The following RIMS3 variants were observed in gnomAD, a reference collection of about 807,000 sequenced individuals.
The protein encoded by RIMS3 is regulating synaptic membrane exocytosis protein 3.
A neutral mutation model predicts 29.2 loss-of-function variants in RIMS3; 15 were observed. The observed-to-expected ratio is 0.51, with a 90% CI of 0.34 to 0.79. RIMS3 has a LOEUF of 0.79. RIMS3 is among the 30% of genes least tolerant of loss of function. The probability of loss-of-function intolerance (pLI) is 0.01; values close to 1 mark genes in which losing one functional copy is unlikely to be tolerated. For synonymous variants in RIMS3, 161 were observed against 170.1 expected (o/e 0.95, Z 0.41); for missense variants, 342 against 421.4 (o/e 0.81, Z 1.65).
chr1:40,641,587 G>T, intron 3 of RIMS3, 122 bp downstream of exon 3: 1 of 925,668 alleles, frequency 1.1e-6, no homozygotes, highest in Non-Finnish European at 1.7e-6. Flanking sequence ...TGGTGTATGG[G>T]AAGGGCCACA....
At chr1:40,627,816 G>A (rs1298177728) in intron 7 of RIMS3, among the ~76,000 whole-genome samples, 3 of 151,726 alleles carry the variant, frequency 2.0e-5, no homozygotes, top group Non-Finnish European at 4.4e-5. Context: ...ATGTTGCCAG[G>A]CTGGTCTCAA....
intron 3 of RIMS3, among the ~76,000 whole-genome samples, chr1:40,640,626 A>G (rs1646549685): frequency 6.6e-6 from 1 of 152,102 alleles, no homozygotes; most frequent in South Asian, 2.1e-4. Flanking sequence ...AAACAAAACC[A>G]GCTGGTGTCT....
the RIMS3 span, among the ~76,000 whole-genome samples, chr1:40,683,898 C>T: frequency 1.3e-5 from 2 of 152,194 alleles, no homozygotes; most frequent in African/African-American, 4.8e-5. Context: ...TCTGCCTAAT[C>T]CTTTACTCCT....
At chr1:40,680,063 G>C in the RIMS3 span, among the ~76,000 whole-genome samples, 1 of 152,048 alleles carries the variant, frequency 6.6e-6, no homozygotes. Context: ...GGAAGGCTGA[G>C]GGTGGAGGAT....
chr1:40,647,210 A>G lies in RIMS3; in HGVS notation c.-32+458T>C, dbSNP rs541575058. 2.6e-5 allele frequency among the ~76,000 whole-genome samples: 4 copies of G among 152,216 alleles called. No homozygotes were observed. The South Asian group carries it at 8.3e-4, about 32-fold the overall frequency. On this transcript the variant is annotated intron_variant, in intron 2 of 7. Coordinates refer to ENST00000372684, the MANE Select transcript of RIMS3 (RefSeq NM_014747.3). ...AGAATTTTTGGTAGTTCAAGGCCGC[A>G]CAAAAGCTCAAGATGAACCTAGCCA...
chr1:40,691,826 G>A, the RIMS3 span: 3 of 437,234 alleles, frequency 6.9e-6, no homozygotes, highest in Admixed American at 2.5e-5. Flanking sequence ...CTCCGTAGGA[G>A]CGCGGGGGCG....
intron 5 of RIMS3, among the ~76,000 whole-genome samples, 161 bp downstream of exon 5, chr1:40,632,908 T>C (rs1646498200): frequency 6.6e-6 from 1 of 152,156 alleles, no homozygotes; most frequent in South Asian, 2.1e-4. Flanking sequence ...ATTTTAAATA[T>C]GAGGAGACTG....
At chr1:40,658,360 A>G (rs1290354580) in intron 1 of RIMS3, among the ~76,000 whole-genome samples, 2 of 152,112 alleles carry the variant, frequency 1.3e-5, no homozygotes, top group South Asian at 2.1e-4. Context: ...TTAAGTCACA[A>G]TTCCAGGCCT....
At chr1:40,632,420 A>T (rs1297424886) in intron 5 of RIMS3, among the ~76,000 whole-genome samples, 2 of 5,592 alleles carry the variant, frequency 3.6e-4, no homozygotes, top group East Asian at 2.6e-3. Context: ...ATATAAATTT[A>T]TATATATATA....
intron 2 of RIMS3, among the ~76,000 whole-genome samples, chr1:40,645,097 G>T (rs1468218621): frequency 6.6e-6 from 1 of 152,198 alleles, no homozygotes; most frequent in Non-Finnish European, 1.5e-5. Context: ...CCTGTGACGT[G>T]TGCAGAGTCC....
chr1:40,652,420 A>T (rs1363722885), intron 1 of RIMS3, among the ~76,000 whole-genome samples: 1 of 152,178 alleles, frequency 6.6e-6, no homozygotes. Context: ...AGAGGTGAAG[A>T]GACATTGCTC....
the RIMS3 span, among the ~76,000 whole-genome samples, chr1:40,686,439 T>A: frequency 6.6e-6 from 1 of 152,068 alleles, no homozygotes; most frequent in Non-Finnish European, 1.5e-5. Context: ...GATCATGAGG[T>A]CAGGAGATCG....
At chr1:40,672,225 G>A in the RIMS3 span, among the ~76,000 whole-genome samples, 1 of 134,434 alleles carries the variant, frequency 7.4e-6, no homozygotes, top group Non-Finnish European at 1.6e-5. Flanking sequence ...TTGAGACGGA[G>A]TCTCGCTCTT....
At chr1:40,628,307 A>G (rs1308124575) in intron 7 of RIMS3, among the ~76,000 whole-genome samples, 1 of 152,244 alleles carries the variant, frequency 6.6e-6, no homozygotes, top group Admixed American at 6.5e-5. Context: ...AGAAGGGCTA[A>G]CAATACCAAG....
chr1:40,673,384 C>T, the RIMS3 span: 1 of 152,244 alleles, frequency 6.6e-6, no homozygotes, highest in Non-Finnish European at 1.5e-5. Context: ...CTAGGTTCTG[C>T]TGAATTTTCC....
Position 40,635,919 on chromosome 1 carries a change from C to T in RIMS3, c.356G>A (p.Gly119Asp). The T allele has an allele frequency of 2.5e-6, 4 of 1,612,754 alleles. No individual in the cohort carries two copies. Among genetic ancestry groups the T allele is most frequent in the Non-Finnish European group, 3.4e-6 (4 of 1,179,908 alleles). ...CACAGCACGGGGCTGCACGCACGTG[C>T]CGTCGGAGCTGTTGCTGTTGGTGCT... ...DGSTNSNSSD[G>D]TFIFPTTRLG... Residue 119 changes from glycine (G) to aspartate (D), a missense_variant, in exon 4 of 8, where the codon GGC becomes GAC. Physicochemically the swap from Gly to Asp is moderately conservative, Grantham distance 94. Coordinates refer to ENST00000372684, the MANE Select transcript of RIMS3 (RefSeq NM_014747.3). This position sits in a 1 kb window ranked among gnomAD's most constrained non-coding sequence, Gnocchi z 4.1.
the RIMS3 span, among the ~76,000 whole-genome samples, chr1:40,684,264 T>C: frequency 6.6e-6 from 1 of 152,244 alleles, no homozygotes; most frequent in Admixed American, 6.5e-5. Context: ...GTTCAAAGGA[T>C]GTCAGGACTC....
chr1:40,689,554 AC>A, the RIMS3 span, among the ~76,000 whole-genome samples: 2 of 151,996 alleles, frequency 1.3e-5, no homozygotes, highest in East Asian at 1.9e-4. Context: ...TGCTGGGATT[AC>A]AGGTGTGAGC....
intron 5 of RIMS3, among the ~76,000 whole-genome samples, chr1:40,631,832 C>T (rs1196263479): frequency 6.6e-6 from 1 of 151,384 alleles, no homozygotes; most frequent in African/African-American, 2.4e-5. Flanking sequence ...ATTAGCCAGA[C>T]ATGGTGGCAC....
Sources: allele counts gnomAD v4.1 joint callset (sites outside exome capture counted in the v4.1 genomes callset), GRCh38; gene constraint gnomAD v4.1.1; non-coding constraint Gnocchi (gnomAD v3.1); transcripts MANE v1.5; gene names NCBI Gene and HGNC (gene_info 2026-07-23, HGNC 2026-07-21).